Variants in TMEFF1 observed in about 807,000 individuals in gnomAD.
The protein encoded by TMEFF1 is tomoregulin-1.
In TMEFF1, 20 loss-of-function variants were observed where a neutral mutation model predicts 47.5. The observed-to-expected ratio is 0.42, with a 90% CI of 0.30 to 0.61. The LOEUF (loss-of-function observed/expected upper bound fraction) is 0.61, where lower values mean the gene tolerates loss of function less well. Among genes scored for constraint, TMEFF1 ranks in the 20% least tolerant of loss-of-function variants. TMEFF1 has a pLI of 0.19. For missense variants in TMEFF1, 411 were observed against 471.1 expected (o/e 0.87, Z 1.18); for synonymous variants, 162 against 166.3 (o/e 0.97, Z 0.20).
chr9:100,526,955 CAAAAAAAAAA>C (rs55736750), intron 5 of TMEFF1, among the ~76,000 whole-genome samples: 20 of 38,976 alleles, frequency 5.1e-4, no homozygotes, highest in South Asian at 4.0e-3. Context: ...GCTAAAAATA[CAAAAAAAAAA>C]AAAAAAAAAA....
chr9:100,558,161 A>G (rs1172120639), intron 7 of TMEFF1, among the ~76,000 whole-genome samples: 1 of 152,154 alleles, frequency 6.6e-6, no homozygotes, highest in Non-Finnish European at 1.5e-5. Context: ...GTTCTCTTAT[A>G]GCTTTCAGCT....
intron 1 of TMEFF1, among the ~76,000 whole-genome samples, chr9:100,495,814 C>T (rs186028755): frequency 2.6e-4 from 39 of 152,274 alleles, no homozygotes; most frequent in African/African-American, 9.1e-4. Flanking sequence ...AGATTTATTC[C>T]GGGAGTCACC....
At chr9:100,572,784 C>T in intron 9 of TMEFF1, 108 bp downstream of exon 9, 2 of 1,355,532 alleles carry the variant, frequency 1.5e-6, no homozygotes, top group Non-Finnish European at 1.9e-6. Context: ...ATGATCAGTT[C>T]CCTGAGGTTT....
chr9:100,541,944 T>C (rs1838642101), intron 5 of TMEFF1, among the ~76,000 whole-genome samples: 1 of 152,196 alleles, frequency 6.6e-6, no homozygotes, highest in South Asian at 2.1e-4. Context: ...CATTTTAACA[T>C]GTATCTTACA....
chr9:100,476,405 T>G (rs1336884850), intron 1 of TMEFF1, among the ~76,000 whole-genome samples: 2 of 152,186 alleles, frequency 1.3e-5, no homozygotes, highest in Non-Finnish European at 2.9e-5. Flanking sequence ...TGTCATGTTT[T>G]TTTTTTTGAG....
At chr9:100,503,535 A>AAC (rs66485935) in intron 2 of TMEFF1, among the ~76,000 whole-genome samples, 10,812 of 143,962 alleles carry the variant, frequency 0.075, 465 homozygotes, top group African/African-American at 0.11. Flanking sequence ...GAGAAACAGA[A>AAC]ACACACACAC....
At chr9:100,532,188 C>T (rs1838396881) in intron 5 of TMEFF1, among the ~76,000 whole-genome samples, 2 of 151,868 alleles carry the variant, frequency 1.3e-5, no homozygotes, top group Admixed American at 6.6e-5. Flanking sequence ...TGGGCAAGGA[C>T]TTCATGTCTA....
intron 1 of TMEFF1, among the ~76,000 whole-genome samples, chr9:100,487,763 A>G (rs1486438463): frequency 1.4e-5 from 2 of 141,566 alleles, no homozygotes; most frequent in South Asian, 2.4e-4. Context: ...AGGGATTATT[A>G]TACTCCTTTT....
chr9:100,477,378 A>C (rs1229433017), intron 1 of TMEFF1, among the ~76,000 whole-genome samples: 1 of 152,152 alleles, frequency 6.6e-6, no homozygotes, highest in Non-Finnish European at 1.5e-5. Context: ...CTATTATTTA[A>C]AAGATTCTTT....
At chr9:100,497,385 A>T (rs887683049) in intron 1 of TMEFF1, among the ~76,000 whole-genome samples, 1 of 126,660 alleles carries the variant, frequency 7.9e-6, no homozygotes, top group Non-Finnish European at 1.6e-5. Context: ...TGCACCTGAG[A>T]TCATTTAAGG....
chr9:100,550,783 G>A (rs1838816726), intron 7 of TMEFF1, among the ~76,000 whole-genome samples: 1 of 152,140 alleles, frequency 6.6e-6, no homozygotes, highest in South Asian at 2.1e-4. Flanking sequence ...CCTAACCCTA[G>A]CCGAATATCT....
intron 5 of TMEFF1, among the ~76,000 whole-genome samples, chr9:100,541,889 A>T (rs1468344260): frequency 6.6e-6 from 1 of 152,110 alleles, no homozygotes; most frequent in Non-Finnish European, 1.5e-5. Flanking sequence ...ACCCAGGGTG[A>T]TGTATCTCTT....
chr9:100,502,917 A>G (rs906270662), intron 2 of TMEFF1, among the ~76,000 whole-genome samples: 3 of 152,210 alleles, frequency 2.0e-5, no homozygotes, highest in African/African-American at 7.2e-5. Flanking sequence ...AGATGTTTAA[A>G]GACTGGTTCC....
At chr9:100,493,398 A>G (rs377677097) in intron 1 of TMEFF1, among the ~76,000 whole-genome samples, 5 of 152,154 alleles carry the variant, frequency 3.3e-5, no homozygotes, top group African/African-American at 1.2e-4. Context: ...ATCATTCTGG[A>G]AGGCTGCTGG....
At chr9:100,552,866 A>AC (rs1838850703) in intron 7 of TMEFF1, among the ~76,000 whole-genome samples, 1 of 151,758 alleles carries the variant, frequency 6.6e-6, no homozygotes, top group South Asian at 2.1e-4. Flanking sequence ...TGTTTTGGAA[A>AC]AAAAAAAAAA....
At chr9:100,518,470 C>T (rs1269748644) in intron 5 of TMEFF1, 1 of 985,230 alleles carries the variant, frequency 1.0e-6, no homozygotes, top group Middle Eastern at 5.2e-4. Flanking sequence ...AAGGGCTTAC[C>T]AATAGTAAGG....
chr9:100,569,698 A>G (rs1395281267), intron 8 of TMEFF1, among the ~76,000 whole-genome samples: 5 of 152,178 alleles, frequency 3.3e-5, no homozygotes, highest in African/African-American at 1.2e-4. Flanking sequence ...TTATGTATAC[A>G]TATTATGTAC....
intron 5 of TMEFF1, among the ~76,000 whole-genome samples, chr9:100,533,599 G>A (rs1410575965): frequency 7.2e-5 from 11 of 151,922 alleles, no homozygotes; most frequent in Non-Finnish European, 1.6e-4. Context: ...AACCTCTGTT[G>A]TAACTTTTAA....
chr9:100,527,535 G>C (rs542859547), intron 5 of TMEFF1, among the ~76,000 whole-genome samples: 1 of 152,306 alleles, frequency 6.6e-6, no homozygotes, highest in Admixed American at 6.5e-5. Context: ...TTTCCGACGG[G>C]CTTAAAAAAC....
Sources: gnomAD v4.1 joint callset for allele counts (sites outside exome capture counted in the v4.1 genomes callset) on GRCh38, gnomAD v4.1.1 for gene constraint, MANE v1.5 for transcripts, NCBI Gene and HGNC (gene_info 2026-07-23, HGNC 2026-07-21) for gene names.